The following TTLL5 variants were observed in gnomAD, a reference collection of about 807,000 sequenced individuals.
TTLL5 encodes tubulin tyrosine ligase like 5, also known as tubulin polyglutamylase TTLL5.
A neutral mutation model predicts 168.4 loss-of-function variants in TTLL5; 132 were observed. The ratio of observed to expected loss-of-function variants is 0.78; its 90% CI spans 0.68 to 0.91. The LOEUF (loss-of-function observed/expected upper bound fraction) is 0.91. TTLL5 is among the 40% of genes least tolerant of loss of function. The pLI, the probability that TTLL5 is intolerant of heterozygous loss-of-function variation, is 0.00. For missense variants in TTLL5, 1,545 were observed against 1,581.5 expected (o/e 0.98, Z 0.39); for synonymous variants, 546 against 558.6 (o/e 0.98, Z 0.32).
intron 5 of TTLL5, among the ~76,000 whole-genome samples, chr14:75,685,270 G>A (rs1039359999): frequency 6.6e-6 from 1 of 151,256 alleles, no homozygotes; most frequent in East Asian, 2.0e-4. Context: ...AGCAACTTGC[G>A]ATGCTGAGGT....
intron 31 of TTLL5, chr14:75,906,533 G>A: frequency 1.7e-5 from 17 of 985,788 alleles, no homozygotes; most frequent in Non-Finnish European, 2.0e-5. Flanking sequence ...GTTAAGTAGA[G>A]ATACTTTTTT....
intron 27 of TTLL5, among the ~76,000 whole-genome samples, chr14:75,811,613 G>A (rs1894039929): frequency 6.6e-6 from 1 of 152,120 alleles, no homozygotes; most frequent in South Asian, 2.1e-4. Context: ...GAAGGGCCAC[G>A]TTTTTATCTG....
At chr14:75,771,653 G>A in intron 20 of TTLL5, 81 bp from the exon 21 acceptor site, 3 of 1,579,458 alleles carry the variant, frequency 1.9e-6, no homozygotes, top group Non-Finnish European at 2.6e-6. Flanking sequence ...ATCCTCAAAG[G>A]CCACTTGGAG....
At chr14:75,933,243 G>T (rs987318318) in intron 31 of TTLL5, among the ~76,000 whole-genome samples, 15 of 152,146 alleles carry the variant, frequency 9.9e-5, no homozygotes, top group African/African-American at 3.1e-4. Flanking sequence ...GATTATTTGA[G>T]CCCAGGAGTT....
intron 31 of TTLL5, chr14:75,930,614 C>T (rs894418655): frequency 1.0e-6 from 1 of 985,150 alleles, no homozygotes; most frequent in African/African-American, 1.7e-5. Flanking sequence ...ACAAGAAATT[C>T]ACGGAACAAG....
rs5809733 is a variant in TTLL5, at chr14:75,847,973, G to GTT, written c.3327-15684_3327-15683dup. On this transcript the variant is annotated intron_variant, in intron 28 of 31. Transcript: ENST00000298832. ...ATTTTCTTTTCTTCCCTTTGGTGCT[G>GTT]TTTTTTTTTTTAATCTCTTGTGATT... Among the ~76,000 whole-genome samples, 729 of 146,492 alleles carry GTT rather than the reference G, an allele frequency of 5.0e-3. 10 individuals carry two copies. Among genetic ancestry groups the GTT allele is most frequent in the African/African-American group, 0.012 (465 of 39,680 alleles).
At chr14:75,685,808 T>C (rs1189128449) in intron 5 of TTLL5, among the ~76,000 whole-genome samples, 2 of 152,182 alleles carry the variant, frequency 1.3e-5, no homozygotes, top group Non-Finnish European at 2.9e-5. Context: ...ATTGAGGTAA[T>C]TTGTAACAGG....
chr14:75,781,456 C>T (rs76025148), intron 24 of TTLL5, among the ~76,000 whole-genome samples: 5,311 of 152,238 alleles, frequency 0.035, 255 homozygotes, highest in Non-Finnish European at 0.041. Context: ...TATTCTTTCA[C>T]TCTGAAAGAT....
At chr14:75,826,722 GT>G (rs1210783545) in intron 28 of TTLL5, among the ~76,000 whole-genome samples, 3 of 152,158 alleles carry the variant, frequency 2.0e-5, no homozygotes, top group Non-Finnish European at 4.4e-5. Context: ...TCCTGGCATG[GT>G]TTTTCTATCA....
chr14:75,751,445 A>G (rs1889947071), intron 17 of TTLL5, among the ~76,000 whole-genome samples: 1 of 152,174 alleles, frequency 6.6e-6, no homozygotes, highest in Admixed American at 6.5e-5. Flanking sequence ...TTTGAACACA[A>G]ACACTGCTAA....
At chr14:75,830,273 C>T (rs1034301863) in intron 28 of TTLL5, among the ~76,000 whole-genome samples, 19 of 152,202 alleles carry the variant, frequency 1.2e-4, no homozygotes, top group African/African-American at 4.6e-4. Context: ...CCAAAGTGAG[C>T]ACCTGCATCT....
At chr14:75,919,952 CT>C (rs1266596940) in intron 31 of TTLL5, among the ~76,000 whole-genome samples, 1 of 152,070 alleles carries the variant, frequency 6.6e-6, no homozygotes, top group Non-Finnish European at 1.5e-5. Flanking sequence ...AAAATCCCAT[CT>C]CTACTAAAAA....
At position 75,837,809 on chromosome 14, in the gene TTLL5, C is replaced by T. The variant is rs899436931; in HGVS notation, c.3326+17648C>T. Among the ~76,000 whole-genome samples, 20 of 152,004 alleles carry T rather than the reference C, an allele frequency of 1.3e-4. 1 individual carries two copies. Among genetic ancestry groups the T allele is most frequent in the Admixed American group, 1.2e-3 (19 of 15,262 alleles). ...ACAGGCTGAATAATATAAAATATTT[C>T]ATTAAACATATATATATGTGTATAT... On this transcript the variant is annotated intron_variant, in intron 28 of 31. Coordinates refer to ENST00000298832, the MANE Select transcript of TTLL5 (RefSeq NM_015072.5).
At chr14:75,855,045 G>C (rs1463795008) in intron 28 of TTLL5, among the ~76,000 whole-genome samples, 1 of 151,464 alleles carries the variant, frequency 6.6e-6, no homozygotes, top group Non-Finnish European at 1.5e-5. Context: ...CTTGAAATCA[G>C]GTGATGTAAG....
intron 28 of TTLL5, among the ~76,000 whole-genome samples, chr14:75,853,219 C>G (rs936852733): frequency 3.3e-5 from 5 of 152,202 alleles, no homozygotes; most frequent in African/African-American, 4.8e-5. Context: ...TTGCATTTCT[C>G]ACTTCTTCAG....
At chr14:75,949,589 G>A (rs968585776) in intron 31 of TTLL5, among the ~76,000 whole-genome samples, 27 of 151,722 alleles carry the variant, frequency 1.8e-4, no homozygotes, top group Admixed American at 1.7e-3. Flanking sequence ...GGTGGTTCAC[G>A]CCTGTAATCC....
chr14:75,781,177 A>G (rs1892027755), intron 24 of TTLL5, among the ~76,000 whole-genome samples: 1 of 152,224 alleles, frequency 6.6e-6, no homozygotes, highest in South Asian at 2.1e-4. Flanking sequence ...AAGCCCTAAC[A>G]GCATGTGGTG....
rs1555344661 is a variant in TTLL5, at chr14:75,775,556, C to T, written c.2209C>T (p.Arg737Ter). The T allele has an allele frequency of 1.2e-6, 2 of 1,614,048 alleles. No homozygotes were observed. Among genetic ancestry groups the T allele is most frequent in the South Asian group, 1.1e-5 (1 of 91,056 alleles). ...QHSLRMVLPS[R>*]RLALLERRRI... ...TTCACTGAGGATGGTATTACCCAGTCGACGATTGGCACTTCTGGAACGCAG... is the reference window on the plus strand; with the variant it reads ...TTCACTGAGGATGGTATTACCCAGTTGACGATTGGCACTTCTGGAACGCAG... The change falls in exon 22 of 32, where the codon CGA (arginine) becomes TGA (stop). Residue 737 changes from arginine to a stop codon, truncating the protein, a stop_gained. Transcript: ENST00000298832. LOFTEE classifies it high-confidence loss of function.
intron 9 of TTLL5, chr14:75,709,952 G>T (rs1383886568): frequency 1.3e-5 from 2 of 151,218 alleles, no homozygotes; most frequent in Non-Finnish European, 2.9e-5. Context: ...AGGATTTTCA[G>T]CTTTATAATT....
Sources: allele counts gnomAD v4.1 joint callset (sites outside exome capture counted in the v4.1 genomes callset), GRCh38; gene constraint gnomAD v4.1.1; transcripts MANE v1.5; gene names NCBI Gene and HGNC (gene_info 2026-07-23, HGNC 2026-07-21).